The following TTLL11 variants were observed in gnomAD, a reference collection of about 807,000 sequenced individuals.
TTLL11 encodes the protein tubulin polyglutamylase TTLL11.
Under a neutral mutation model 51.7 loss-of-function variants are expected in TTLL11, and 42 were observed. The observed-to-expected ratio is 0.81, with a 90% CI of 0.64 to 1.05. The LOEUF (loss-of-function observed/expected upper bound fraction) is 1.05, where lower values mean the gene tolerates loss of function less well. Among genes scored for constraint, TTLL11 ranks in the 50% least tolerant of loss-of-function variants. The pLI is 0.00. For missense variants in TTLL11, 799 were observed against 940.4 expected, an observed-to-expected ratio of 0.85 and a Z score of 1.97; for synonymous variants, 381 against 383.5, an observed-to-expected ratio of 0.99 and a Z score of 0.08.
At chr9:122,039,679 T>C (rs1041644998) in intron 1 of TTLL11, among the ~76,000 whole-genome samples, 13 of 152,064 alleles carry the variant, frequency 8.5e-5, no homozygotes, top group African/African-American at 2.9e-4. Flanking sequence ...TTTTGCTGAT[T>C]CAAAACTTGG....
chr9:122,084,959 C>T (rs1056016549), intron 1 of TTLL11, among the ~76,000 whole-genome samples: 1 of 152,170 alleles, frequency 6.6e-6, no homozygotes, highest in Non-Finnish European at 1.5e-5. Context: ...ACATAATTAA[C>T]ATACCAACGT....
intron 1 of TTLL11, among the ~76,000 whole-genome samples, chr9:122,081,151 C>T (rs1394021021): frequency 6.6e-6 from 1 of 152,194 alleles, no homozygotes; most frequent in African/African-American, 2.4e-5. Flanking sequence ...CAGTCCTGCA[C>T]TGAAGGACTT....
intron 6 of TTLL11, among the ~76,000 whole-genome samples, chr9:121,922,218 A>G (rs1840571117): frequency 6.6e-6 from 1 of 152,160 alleles, no homozygotes; most frequent in African/African-American, 2.4e-5. Context: ...AGACCATAAG[A>G]ATGTCGCCCT....
rs1163908019 is a variant in TTLL11, at chr9:122,031,712, G to A, written c.693+11C>T. The A allele has an allele frequency of 6.2e-7, 1 of 1,611,694 alleles. No individual in the cohort carries two copies. The highest frequency in any genetic ancestry group is 1.3e-5 in the African/African-American group (1 of 74,856). On this transcript the variant is annotated intron_variant, in intron 3 of 8. Transcript: ENST00000321582. ...ATAATTCAGGGGTCATGGGGACGGA[G>A]TGCCATCTACCTGAGCAACAAAGAG...
At position 121,816,715 on chromosome 9, in the gene TTLL11, A is replaced by ATTTTCC. The variant is rs1836423309; in HGVS notation, c.*5871_*5872insGGAAAA. Reference sequence around the variant, plus strand: ...TGTGTGCGTGCGTGTGTGTGCATGCATGCGCGCGTGTGTGTATAAGCATTA... The same window carrying ATTTTCC: ...TGTGTGCGTGCGTGTGTGTGCATGCATTTTCCTGCGCGCGTGTGTGTATAAGCATTA... On this transcript the variant is annotated 3_prime_UTR_variant, in exon 9 of 9. Coordinates refer to ENST00000321582, the MANE Select transcript of TTLL11 (RefSeq NM_001139442.2). 1 of 151,842 alleles carries ATTTTCC rather than the reference A, an allele frequency of 6.6e-6. No homozygotes were observed. The highest frequency in any genetic ancestry group is 1.5e-5 in the Non-Finnish European group (1 of 67,954). The allele number at this position is 151,842 out of a possible 1,614,324, so 9.4% of individuals were successfully genotyped here.
At chr9:121,962,682 T>C (rs1842270673) in intron 6 of TTLL11, among the ~76,000 whole-genome samples, 1 of 152,216 alleles carries the variant, frequency 6.6e-6, no homozygotes, top group Non-Finnish European at 1.5e-5. Flanking sequence ...TAACTGCAAA[T>C]GGGGAATTTT....
intron 8 of TTLL11, among the ~76,000 whole-genome samples, chr9:121,845,733 T>C (rs4837899): frequency 0.67 from 101,846 of 152,002 alleles, 34,530 homozygotes; most frequent in East Asian, 0.77. Flanking sequence ...AAACTAATTG[T>C]AAACTCTAGG....
chr9:122,075,421 T>G (rs940788020), intron 1 of TTLL11, among the ~76,000 whole-genome samples: 1 of 152,222 alleles, frequency 6.6e-6, no homozygotes, highest in Non-Finnish European at 1.5e-5. Flanking sequence ...CTAGAAATAC[T>G]TCTGCACAGT....
chr9:121,817,665 C>T lies in TTLL11; in HGVS notation c.*4922G>A, dbSNP rs1055492485. On this transcript the variant is annotated 3_prime_UTR_variant, in exon 9 of 9. Coordinates refer to ENST00000321582, the MANE Select transcript of TTLL11 (RefSeq NM_001139442.2). ...AGCCTCTGCGGGACGTGGGTTTCCACACCTGCAAAATGGGATGTTTTGGGG... is the reference window on the plus strand; with the variant it reads ...AGCCTCTGCGGGACGTGGGTTTCCATACCTGCAAAATGGGATGTTTTGGGG... The T allele has an allele frequency of 6.6e-6, 1 of 152,408 alleles. No homozygotes were observed. Among genetic ancestry groups the T allele is most frequent in the African/African-American group, 2.4e-5 (1 of 41,578 alleles). 9.4% of individuals were successfully genotyped at this position (152,408 alleles called of 1,614,324 possible).
At chr9:122,029,063 T>C (rs1320982057) in intron 3 of TTLL11, among the ~76,000 whole-genome samples, 1 of 152,192 alleles carries the variant, frequency 6.6e-6, no homozygotes, top group Non-Finnish European at 1.5e-5. Flanking sequence ...AAATCAGTGA[T>C]CTTAGTTTTG....
chr9:121,983,931 T>C lies in TTLL11; in HGVS notation c.1269+5264A>G, dbSNP rs141456484. Among the ~76,000 whole-genome samples, 789 of 152,202 alleles carry C rather than the reference T, an allele frequency of 5.2e-3. 5 individuals are homozygous for C. Among genetic ancestry groups the C allele is most frequent in the Non-Finnish European group, 6.4e-3 (434 of 68,018 alleles). On this transcript the variant is annotated intron_variant, in intron 4 of 8. Coordinates refer to ENST00000321582, the MANE Select transcript of TTLL11 (RefSeq NM_001139442.2). Reference sequence around the variant, plus strand: ...TCCAAAGGAAGAAAAAGCTGAAATATCAGAAGTTGTTTCTGGAGAAAGGGT... The same window carrying C: ...TCCAAAGGAAGAAAAAGCTGAAATACCAGAAGTTGTTTCTGGAGAAAGGGT...
At chr9:122,009,397 A>T (rs1385027122) in intron 3 of TTLL11, among the ~76,000 whole-genome samples, 4 of 152,058 alleles carry the variant, frequency 2.6e-5, no homozygotes, top group East Asian at 1.9e-4. Flanking sequence ...ATTAAAATTT[A>T]AAAAATTTTT....
At chr9:121,828,610 T>A (rs1437651820) in intron 8 of TTLL11, among the ~76,000 whole-genome samples, 1 of 152,180 alleles carries the variant, frequency 6.6e-6, no homozygotes, top group Non-Finnish European at 1.5e-5. Flanking sequence ...CACCACCCCG[T>A]CCCTGTTGAA....
rs999860330 is a variant in TTLL11, at chr9:121,822,215, C to A, written c.*372G>T. ...GGCCCCGGCAGCAGATCCTAACACT[C>A]GGCTTCCTCTCCACAGCTCCGGGCC... is the stretch of plus-strand genomic sequence containing the variant. On this transcript the variant is annotated 3_prime_UTR_variant, in exon 9 of 9. Coordinates refer to ENST00000321582, the MANE Select transcript of TTLL11 (RefSeq NM_001139442.2). The surrounding 1 kb of genome is among the most constrained non-coding windows in gnomAD (Gnocchi z 5.8). 3.2e-5 allele frequency: 5 copies of A among 158,086 alleles called. No individual in the cohort carries two copies. Among genetic ancestry groups the A allele is most frequent in the Non-Finnish European group, 6.9e-5 (5 of 72,212 alleles). The allele number at this position is 158,086 out of a possible 1,614,324, so 9.8% of individuals were successfully genotyped here.
chr9:122,092,702 C>T lies in TTLL11; in HGVS notation c.447G>A (p.Gln149=). Residue 149 remains glutamine (Q), a synonymous_variant, in exon 1 of 9, where the codon CAG becomes CAA. Transcript: ENST00000321582. ...SLDALKISIR[Q]LKWKEFPFGR... is the part of the protein sequence containing the mutation. ...CGGGCCTCACCTCCTTCCACTTGAGCTGGCGGATGCTGATCTTCAGGGCAT... is the reference window on the plus strand; with the variant it reads ...CGGGCCTCACCTCCTTCCACTTGAGTTGGCGGATGCTGATCTTCAGGGCAT... 1.3e-6 allele frequency: 2 copies of T among 1,537,356 alleles called. No homozygotes were observed. Among genetic ancestry groups the T allele is most frequent in the Non-Finnish European group, 1.7e-6 (2 of 1,146,962 alleles).
At chr9:121,851,858 C>T (rs1399288958) in intron 8 of TTLL11, among the ~76,000 whole-genome samples, 1 of 152,202 alleles carries the variant, frequency 6.6e-6, no homozygotes. Context: ...CCCTCACAGC[C>T]CCGAGAGCTC....
At chr9:121,981,509 C>A (rs1185251960) in intron 4 of TTLL11, among the ~76,000 whole-genome samples, 4 of 152,186 alleles carry the variant, frequency 2.6e-5, no homozygotes, top group Admixed American at 2.6e-4. Flanking sequence ...CTGCTAGTTT[C>A]ATCATTTCTG....
chr9:121,916,476 A>C (rs1728405595), intron 6 of TTLL11, among the ~76,000 whole-genome samples: 1 of 152,078 alleles, frequency 6.6e-6, no homozygotes, highest in Non-Finnish European at 1.5e-5. Context: ...ATTATTTACA[A>C]GGAAGATGTA....
At chr9:121,927,940 C>T (rs1240892241) in intron 6 of TTLL11, among the ~76,000 whole-genome samples, 1 of 152,166 alleles carries the variant, frequency 6.6e-6, no homozygotes, top group Non-Finnish European at 1.5e-5. Context: ...GCCAATAAAT[C>T]TCAAATGTTG....
Sources: gnomAD v4.1 joint callset for allele counts (sites outside exome capture counted in the v4.1 genomes callset) on GRCh38, gnomAD v4.1.1 for gene constraint, Gnocchi (gnomAD v3.1) non-coding constraint, MANE v1.5 for transcripts, NCBI Gene and HGNC (gene_info 2026-07-23, HGNC 2026-07-21) for gene names.